The following MACROD2 variants were observed in gnomAD, a reference collection of about 807,000 sequenced individuals.
MACROD2 encodes mono-ADP ribosylhydrolase 2.
Under a neutral mutation model 70.4 loss-of-function variants are expected in MACROD2, and 36 were observed. The observed-to-expected ratio is 0.51, with a 90% CI of 0.39 to 0.68. The LOEUF (loss-of-function observed/expected upper bound fraction) is 0.68, where lower values mean the gene tolerates loss of function less well. Ranked by LOEUF, MACROD2 falls within the 30% of genes least tolerant of loss-of-function variation. MACROD2 has a pLI of 0.00. For synonymous variants in MACROD2, 172 were observed against 178.8 expected (o/e 0.96, Z 0.30); for missense variants, 496 against 538.4 (o/e 0.92, Z 0.78).
chr20:15,921,589 A>AG (rs2065407582), intron 10 of MACROD2, among the ~76,000 whole-genome samples: 1 of 152,230 alleles, frequency 6.6e-6, no homozygotes, highest in Non-Finnish European at 1.5e-5. Context: ...TCTACAGGGA[A>AG]GCCCTCTCCA....
chr20:14,066,608 C>T (rs1317699979), intron 2 of MACROD2, among the ~76,000 whole-genome samples: 1 of 152,100 alleles, frequency 6.6e-6, no homozygotes, highest in Admixed American at 6.6e-5. Flanking sequence ...GTATATGTAA[C>T]AGACAAAATT....
In MACROD2 at chr20:14,927,132, T is replaced by C. The variant is rs548555501; in HGVS notation, c.418+242173T>C. ...CTATTTACAACTTCCTGAAAACATA[T>C]CGAGTGTGGATCCCGTACGTAAGTG... On this transcript the variant is annotated intron_variant, in intron 5 of 17. Transcript: ENST00000684519. Among the ~76,000 whole-genome samples the C allele has an allele frequency of 2.6e-5, 4 of 152,270 alleles. No individual in the cohort carries two copies. The South Asian group carries it at 8.3e-4, about 32-fold the overall frequency.
intron 5 of MACROD2, chr20:14,929,579 A>G (rs1399928899): frequency 1.3e-5 from 2 of 152,046 alleles, no homozygotes; most frequent in African/African-American, 4.8e-5. Flanking sequence ...GATTGATGAC[A>G]TCATTGGCCA....
At chr20:14,218,974 T>G (rs925167949) in intron 3 of MACROD2, among the ~76,000 whole-genome samples, 32 of 152,222 alleles carry the variant, frequency 2.1e-4, no homozygotes, top group African/African-American at 7.7e-4. Context: ...GATTCTTTCC[T>G]TCACCTTAAC....
At chr20:14,020,849 G>T (rs1394556219) in intron 2 of MACROD2, among the ~76,000 whole-genome samples, 3 of 152,054 alleles carry the variant, frequency 2.0e-5, no homozygotes, top group Non-Finnish European at 2.9e-5. Flanking sequence ...CTCTGTGATG[G>T]GTTACTCTTT....
At chr20:15,632,557 G>A (rs1191993131) in intron 8 of MACROD2, among the ~76,000 whole-genome samples, 3 of 152,158 alleles carry the variant, frequency 2.0e-5, no homozygotes, top group Non-Finnish European at 4.4e-5. Flanking sequence ...ATACCTTACA[G>A]TGTAATTTCC....
At chr20:14,013,765 C>T (rs1374338664) in intron 2 of MACROD2, among the ~76,000 whole-genome samples, 1 of 147,864 alleles carries the variant, frequency 6.8e-6, no homozygotes, top group African/African-American at 2.5e-5. Flanking sequence ...TCACTGCAAC[C>T]TCCGCCTCCT....
chr20:15,389,176 C>G (rs2045759070), intron 6 of MACROD2, among the ~76,000 whole-genome samples: 1 of 152,032 alleles, frequency 6.6e-6, no homozygotes. Flanking sequence ...TTTCAAGAAC[C>G]TAGGGTTGCC....
chr20:15,658,318 C>T lies in MACROD2; in HGVS notation c.645+158471C>T, dbSNP rs6043416. On this transcript the variant is annotated intron_variant, in intron 8 of 17. Transcript: ENST00000684519. Reference sequence around the variant, plus strand: ...ACCTGTTGGATATTTTCATGTATGTCCTTAAACACATGACTGCTTTCCTTG... The same window carrying T: ...ACCTGTTGGATATTTTCATGTATGTTCTTAAACACATGACTGCTTTCCTTG... Among the ~76,000 whole-genome samples the T allele has an allele frequency of 9.8e-3, 1,482 of 150,868 alleles. 19 individuals are homozygous for T. The highest frequency in any genetic ancestry group is 0.035 in the African/African-American group (1,419 of 41,068).
At chr20:15,171,298 A>C in intron 5 of MACROD2, among the ~76,000 whole-genome samples, 3 of 139,546 alleles carry the variant, frequency 2.1e-5, no homozygotes, top group South Asian at 2.3e-4. Context: ...CTTTCCCTCC[A>C]TCTCTCCTCC....
rs560561926 is a variant in MACROD2 at position 14,601,474 on chromosome 20, G to C, written c.302-83369G>C. Among the ~76,000 whole-genome samples, 4 of 152,060 alleles carry C rather than the reference G, an allele frequency of 2.6e-5. No individual in the cohort carries two copies. The East Asian group carries it at 7.8e-4, about 29-fold the overall frequency. On this transcript the variant is annotated intron_variant, in intron 4 of 17. Transcript: ENST00000684519. Reference sequence around the variant, plus strand: ...AGGGTACTGGGGTTGGGGACCCCTGGTATAGATAAGCCACAATACTTTTAG... The same window carrying C: ...AGGGTACTGGGGTTGGGGACCCCTGCTATAGATAAGCCACAATACTTTTAG...
At chr20:14,593,356 A>G (rs1181237387) in intron 4 of MACROD2, among the ~76,000 whole-genome samples, 1 of 152,202 alleles carries the variant, frequency 6.6e-6, no homozygotes. Flanking sequence ...TGCTGTTTAT[A>G]TACAGTGTGA....
At chr20:14,021,224 C>T (rs1442388898) in intron 2 of MACROD2, among the ~76,000 whole-genome samples, 6 of 152,260 alleles carry the variant, frequency 3.9e-5, no homozygotes, top group African/African-American at 7.2e-5. Context: ...CTCTTGACCT[C>T]GTGATCCGCC....
chr20:15,515,808 G>A (rs772195274), intron 8 of MACROD2, among the ~76,000 whole-genome samples: 11 of 152,320 alleles, frequency 7.2e-5, no homozygotes, highest in Non-Finnish European at 1.3e-4. Context: ...CTAGTGTGCA[G>A]AGATTCAGCC....
intron 5 of MACROD2, among the ~76,000 whole-genome samples, chr20:14,756,446 T>G (rs1355609510): frequency 6.6e-6 from 1 of 152,142 alleles, no homozygotes; most frequent in Non-Finnish European, 1.5e-5. Flanking sequence ...CCTTAGGTAG[T>G]GAGCTTCATG....
intron 4 of MACROD2, among the ~76,000 whole-genome samples, chr20:14,603,377 GC>G (rs1982612450): frequency 1.3e-5 from 2 of 152,150 alleles, no homozygotes; most frequent in Admixed American, 1.3e-4. Flanking sequence ...CTGTAACAGG[GC>G]TGGCTACTGG....
chr20:15,724,552 T>C (rs1393623536), intron 8 of MACROD2, among the ~76,000 whole-genome samples: 2 of 152,232 alleles, frequency 1.3e-5, no homozygotes, highest in African/African-American at 4.8e-5. Context: ...ATCTTTGTTC[T>C]ATTGTATTTC....
intron 4 of MACROD2, among the ~76,000 whole-genome samples, chr20:14,587,756 C>T (rs1981480886): frequency 6.6e-6 from 1 of 151,796 alleles, no homozygotes; most frequent in Non-Finnish European, 1.5e-5. Context: ...ATAAACCCTA[C>T]TTGATCATGA....
At chr20:14,727,184 G>A (rs2123695677) in intron 5 of MACROD2, among the ~76,000 whole-genome samples, 1 of 152,218 alleles carries the variant, frequency 6.6e-6, no homozygotes, top group Admixed American at 6.5e-5. Flanking sequence ...GGCTATGGAA[G>A]AAAAGTCTGC....
Sources: allele counts gnomAD v4.1 joint callset (sites outside exome capture counted in the v4.1 genomes callset), GRCh38; gene constraint gnomAD v4.1.1; transcripts MANE v1.5; gene names NCBI Gene and HGNC (gene_info 2026-07-23, HGNC 2026-07-21).